Variants in PDZD2 observed in about 807,000 individuals in gnomAD.
PDZD2 encodes PDZ domain containing 2, also known as PDZ domain-containing protein 2.
PDZD2 carries 90 observed loss-of-function variants against 220.7 expected under a neutral mutation model. The observed-to-expected ratio is 0.41, with a 90% CI of 0.34 to 0.49. The LOEUF (loss-of-function observed/expected upper bound fraction) is 0.49, where lower values mean the gene tolerates loss of function less well. PDZD2 is among the 20% of genes least tolerant of loss of function. The pLI is 0.28. For missense variants in PDZD2, 3,174 were observed against 3,608.5 expected, an observed-to-expected ratio of 0.88 and a Z score of 3.08; for synonymous variants, 1,375 against 1,450.5, an observed-to-expected ratio of 0.95 and a Z score of 1.18.
chr5:31,975,480 C>T (rs570103400), intron 2 of PDZD2, among the ~76,000 whole-genome samples: 47 of 152,246 alleles, frequency 3.1e-4, no homozygotes, highest in African/African-American at 1.0e-3. Context: ...TGGGTGGGCA[C>T]CCAGCCAAAC....
chr5:32,093,735 T>C (rs930931466), intron 21 of PDZD2, among the ~76,000 whole-genome samples: 11 of 152,138 alleles, frequency 7.2e-5, no homozygotes, highest in African/African-American at 2.4e-4. Context: ...CTCAGAACTT[T>C]GGGAGGCCAA....
intron 2 of PDZD2, among the ~76,000 whole-genome samples, chr5:31,874,365 C>A (rs184185171): frequency 6.6e-6 from 1 of 152,050 alleles, no homozygotes; most frequent in Non-Finnish European, 1.5e-5. Context: ...GTTTATGTTA[C>A]GTGTTTTGAA....
chr5:32,037,172 C>T, intron 6 of PDZD2, 59 bp from the exon 7 acceptor site: 2 of 1,027,750 alleles, frequency 1.9e-6, no homozygotes, highest in Non-Finnish European at 1.5e-6. Context: ...TGGAGGGGGA[C>T]AGCATAAGTC....
intron 2 of PDZD2, among the ~76,000 whole-genome samples, chr5:31,864,875 G>A (rs1413669786): frequency 8.3e-6 from 1 of 120,926 alleles, no homozygotes; most frequent in East Asian, 2.5e-4. Context: ...TTGAGACGGA[G>A]TCTCGCTCTG....
chr5:31,721,465 T>A (rs1351517460), intron 1 of PDZD2, among the ~76,000 whole-genome samples: 2 of 151,558 alleles, frequency 1.3e-5, no homozygotes, highest in African/African-American at 4.9e-5. Flanking sequence ...ATACAGTGCC[T>A]TTTCAGAGGG....
At chr5:31,961,368 C>CG (rs1748212283) in intron 2 of PDZD2, among the ~76,000 whole-genome samples, 1 of 130,776 alleles carries the variant, frequency 7.6e-6, no homozygotes, top group Non-Finnish European at 1.6e-5. Context: ...TCCGTCTCTA[C>CG]AAAAAAAAAA....
At chr5:31,705,211 TACA>T (rs1747770881) in intron 1 of PDZD2, among the ~76,000 whole-genome samples, 2 of 14,554 alleles carry the variant, frequency 1.4e-4, no homozygotes, top group African/African-American at 8.7e-4. Context: ...CACACACACA[TACA>T]CACTCACACT....
rs752415766 is a variant in PDZD2, at chr5:32,000,103, T to C, written c.1122-36T>C. The C allele has an allele frequency of 7.5e-6, 12 of 1,610,180 alleles. No homozygotes were observed. Among genetic ancestry groups the C allele is most frequent in the Non-Finnish European group, 2.5e-6 (3 of 1,177,252 alleles). On this transcript the variant is annotated intron_variant, in intron 4 of 24. Coordinates refer to ENST00000438447, the MANE Select transcript of PDZD2 (RefSeq NM_178140.4). The surrounding 1 kb of genome is among the most constrained non-coding windows in gnomAD (Gnocchi z 4.5). Reference sequence around the variant, plus strand: ...GGCCCTTCTCAGGCCCAGAATGTCTTGACAAGGGATCTTTTTCCCATCTCC... The same window carrying C: ...GGCCCTTCTCAGGCCCAGAATGTCTCGACAAGGGATCTTTTTCCCATCTCC...
At chr5:31,981,066 A>T (rs1403663508) in intron 2 of PDZD2, among the ~76,000 whole-genome samples, 12 of 152,156 alleles carry the variant, frequency 7.9e-5, no homozygotes, top group Admixed American at 7.9e-4. Flanking sequence ...GATTACAGGC[A>T]TGAGCCACCG....
At chr5:32,021,441 C>T (rs1754195812) in intron 6 of PDZD2, among the ~76,000 whole-genome samples, 1 of 152,068 alleles carries the variant, frequency 6.6e-6, no homozygotes, top group Non-Finnish European at 1.5e-5. Flanking sequence ...GGATTACAGG[C>T]ACCTGCCACC....
At chr5:31,928,523 T>C (rs1171059343) in intron 2 of PDZD2, among the ~76,000 whole-genome samples, 1 of 152,152 alleles carries the variant, frequency 6.6e-6, no homozygotes, top group Non-Finnish European at 1.5e-5. Context: ...TCATCCAGGC[T>C]GGAGTGCAAT....
rs550752836 is a variant in PDZD2, at chr5:32,060,458, T to G, written c.2319-544T>G. On this transcript the variant is annotated intron_variant, in intron 13 of 24. Transcript: ENST00000438447. ...CGTTTTTACAAATTGTTGGGTAACC[T>G]TTGAGCCTCAGCTATTTCCTCCTTA... 2.6e-5 allele frequency among the ~76,000 whole-genome samples: 4 copies of G among 152,316 alleles called. No individual in the cohort carries two copies. In the South Asian group the frequency reaches 8.3e-4, roughly 32 times the overall value.
rs199675798 is a variant in PDZD2, at chr5:31,821,898, T to A, written c.476+22174T>A. On this transcript the variant is annotated intron_variant, in intron 2 of 24. Coordinates refer to ENST00000438447, the MANE Select transcript of PDZD2 (RefSeq NM_178140.4). ...TGTGATGTTCTCCTCCCTGTGTCCG[T>A]GTGTTCTCATTGTTCAACTCCCACT... Among the ~76,000 whole-genome samples, 3 of 149,766 alleles carry A rather than the reference T, an allele frequency of 2.0e-5. No homozygotes were observed. The East Asian group carries it at 5.9e-4, about 30-fold the overall frequency.
chr5:32,006,785 G>GTTCAA (rs1752847576), intron 5 of PDZD2, among the ~76,000 whole-genome samples: 1 of 149,222 alleles, frequency 6.7e-6, no homozygotes, highest in Non-Finnish European at 1.5e-5. Flanking sequence ...CGCCTCCTAG[G>GTTCAA]TTCAAGCTAT....
chr5:31,886,646 C>G lies in PDZD2; in HGVS notation c.476+86922C>G, dbSNP rs1740508878. On this transcript the variant is annotated intron_variant, in intron 2 of 24. Transcript: ENST00000438447. Reference sequence around the variant, plus strand: ...TTATTGGAGGACCCAGTGACTGTTACAGGTAGAGCCCAGAGGCACTTCTGC... The same window carrying G: ...TTATTGGAGGACCCAGTGACTGTTAGAGGTAGAGCCCAGAGGCACTTCTGC... 2.0e-5 allele frequency among the ~76,000 whole-genome samples: 3 copies of G among 151,786 alleles called. No individual in the cohort carries two copies. The South Asian group carries it at 6.3e-4, about 32-fold the overall frequency.
intron 1 of PDZD2, among the ~76,000 whole-genome samples, chr5:31,789,404 A>G (rs77406748): frequency 0.01 from 1,569 of 152,280 alleles, 16 homozygotes; most frequent in African/African-American, 0.017. Flanking sequence ...GGGAACTAGA[A>G]TTCTCTGCCA....
At position 32,109,975 on chromosome 5, in the gene PDZD2, C is replaced by CTACT. The variant is rs1474954467; in HGVS notation, c.*1842_*1845dup. 7.9e-5 allele frequency: 12 copies of CTACT among 152,624 alleles called. No homozygotes were observed. The highest frequency in any genetic ancestry group is 2.9e-4 in the African/African-American group (12 of 41,438). 9.5% of individuals were successfully genotyped at this position (152,624 alleles called of 1,614,324 possible). A position where few individuals can be genotyped will look rare whatever the true frequency, so the allele number is the denominator to read the frequency against. ...TAGAAAGGTCTTATTGATTTTACTTCTACTTTTCACTACAGTTACAGGTAG... is the reference window on the plus strand; with the variant it reads ...TAGAAAGGTCTTATTGATTTTACTTCTACTTACTTTTCACTACAGTTACAGGTAG... On this transcript the variant is annotated 3_prime_UTR_variant, in exon 25 of 25. Transcript: ENST00000438447.
chr5:31,688,479 C>T (rs779640218), intron 1 of PDZD2, among the ~76,000 whole-genome samples: 1 of 152,192 alleles, frequency 6.6e-6, no homozygotes, highest in Non-Finnish European at 1.5e-5. Flanking sequence ...CTTCTTATTG[C>T]TCCTTATCAT....
At position 31,739,138 on chromosome 5, in the gene PDZD2, G is replaced by T. The variant is rs541155498; in HGVS notation, c.-360-59751G>T. ...TGACCTCAAGTGATCCACCCACCTT[G>T]GCCTCCCAATGTGCTGGGATTACAG... On this transcript the variant is annotated intron_variant, in intron 1 of 24. Coordinates refer to ENST00000438447, the MANE Select transcript of PDZD2 (RefSeq NM_178140.4). Among the ~76,000 whole-genome samples, 28 of 152,232 alleles carry T rather than the reference G, an allele frequency of 1.8e-4. No homozygotes were observed. In the South Asian group the frequency reaches 5.6e-3, roughly 30 times the overall value.
Sources: gnomAD v4.1 joint callset for allele counts (sites outside exome capture counted in the v4.1 genomes callset) on GRCh38, gnomAD v4.1.1 for gene constraint, Gnocchi (gnomAD v3.1) non-coding constraint, MANE v1.5 for transcripts, NCBI Gene and HGNC (gene_info 2026-07-23, HGNC 2026-07-21) for gene names.